The following CRACD variants were observed in gnomAD, a reference collection of about 807,000 sequenced individuals.
The protein encoded by CRACD is capping protein inhibiting regulator of actin dynamics.
Under a neutral mutation model 106.8 loss-of-function variants are expected in CRACD, and 56 were observed. The ratio of observed to expected loss-of-function variants is 0.52; its 90% CI spans 0.42 to 0.66. The LOEUF is 0.66. CRACD is among the 30% of genes least tolerant of loss of function. The pLI is 0.00. For synonymous variants in CRACD, 754 were observed against 670.8 expected (o/e 1.12, Z -1.92); for missense variants, 1,730 against 1,623.2 (o/e 1.07, Z -1.13).
At chr4:56,051,818 ATTGAAT>A (rs1374952661) in intron 1 of CRACD, among the ~76,000 whole-genome samples, 2 of 152,208 alleles carry the variant, frequency 1.3e-5, no homozygotes, top group Non-Finnish European at 2.9e-5. Flanking sequence ...GAGGCAGGTG[ATTGAAT>A]TTGAGCATTG....
At chr4:56,208,386 G>A (rs951941945) in intron 2 of CRACD, among the ~76,000 whole-genome samples, 1 of 152,100 alleles carries the variant, frequency 6.6e-6, no homozygotes, top group Non-Finnish European at 1.5e-5. Flanking sequence ...GAAGGGATTC[G>A]ATTGTTCTCA....
chr4:56,266,167 A>G (rs1460235216), intron 2 of CRACD, among the ~76,000 whole-genome samples: 3 of 152,336 alleles, frequency 2.0e-5, no homozygotes, highest in Non-Finnish European at 4.4e-5. Flanking sequence ...GAAGCAGTAT[A>G]GATGCATATG....
chr4:56,263,616 A>G (rs1026836975), intron 2 of CRACD, among the ~76,000 whole-genome samples: 1 of 152,140 alleles, frequency 6.6e-6, no homozygotes, highest in Admixed American at 6.5e-5. Flanking sequence ...CACCCTACTT[A>G]GCTTATTTAA....
At chr4:56,323,150 T>C (rs1209554486) in intron 8 of CRACD, among the ~76,000 whole-genome samples, 1 of 152,202 alleles carries the variant, frequency 6.6e-6, no homozygotes, top group Non-Finnish European at 1.5e-5. Context: ...CAGAGTAACT[T>C]CTTCCATTTC....
At chr4:56,131,465 G>A (rs192495310) in intron 1 of CRACD, among the ~76,000 whole-genome samples, 2 of 149,970 alleles carry the variant, frequency 1.3e-5, no homozygotes, top group Non-Finnish European at 3.0e-5. Context: ...GGCACAAATG[G>A]TATCTTCTTT....
chr4:56,075,734 T>C (rs1174332774), intron 1 of CRACD, among the ~76,000 whole-genome samples: 1 of 152,198 alleles, frequency 6.6e-6, no homozygotes, highest in Non-Finnish European at 1.5e-5. Flanking sequence ...TATCTAAATA[T>C]GAGGTCTTTC....
chr4:56,145,046 C>T (rs1340756008), intron 1 of CRACD, among the ~76,000 whole-genome samples: 1 of 152,160 alleles, frequency 6.6e-6, no homozygotes, highest in Non-Finnish European at 1.5e-5. Flanking sequence ...CCCCAGCCTC[C>T]CAAAGTGCTG....
At chr4:56,188,711 C>CACAGAGAGAGAGAG (rs1446016845) in intron 2 of CRACD, among the ~76,000 whole-genome samples, 1 of 113,108 alleles carries the variant, frequency 8.8e-6, no homozygotes, top group African/African-American at 3.9e-5. Flanking sequence ...CACACACACA[C>CACAGAGAGAGAGAG]AGAGAGAGAG....
intron 1 of CRACD, among the ~76,000 whole-genome samples, chr4:56,103,052 A>G (rs1733829803): frequency 6.6e-6 from 1 of 152,160 alleles, no homozygotes; most frequent in Non-Finnish European, 1.5e-5. Context: ...TCGGAAACCG[A>G]GTCTGTTTTT....
chr4:56,204,768 C>T (rs1351339895), intron 2 of CRACD, among the ~76,000 whole-genome samples: 1 of 152,136 alleles, frequency 6.6e-6, no homozygotes, highest in Non-Finnish European at 1.5e-5. Context: ...GCTAGCTTTA[C>T]TTGAGAGTAA....
At chr4:56,223,080 C>T (rs1374633242) in intron 2 of CRACD, among the ~76,000 whole-genome samples, 1 of 151,152 alleles carries the variant, frequency 6.6e-6, no homozygotes, top group African/African-American at 2.4e-5. Context: ...CTTATAATGG[C>T]CATGGTAAAA....
intron 1 of CRACD, among the ~76,000 whole-genome samples, chr4:56,128,658 G>A (rs532260988): frequency 3.6e-4 from 55 of 152,276 alleles, no homozygotes; most frequent in South Asian, 1.5e-3. Flanking sequence ...GTTTCTGTAC[G>A]TAGGAGGCTG....
chr4:56,103,514 A>G (rs1419667556), intron 1 of CRACD, among the ~76,000 whole-genome samples: 1 of 152,224 alleles, frequency 6.6e-6, no homozygotes, highest in African/African-American at 2.4e-5. Flanking sequence ...AAATGAGGGT[A>G]CAACATAAGA....
chr4:56,092,997 A>G (rs1413560208), intron 1 of CRACD, among the ~76,000 whole-genome samples: 2 of 152,212 alleles, frequency 1.3e-5, no homozygotes, highest in Non-Finnish European at 2.9e-5. Context: ...ATCACTAAAT[A>G]TATAGATGAA....
chr4:56,242,979 G>A (rs1357084287), intron 2 of CRACD, among the ~76,000 whole-genome samples: 1 of 152,198 alleles, frequency 6.6e-6, no homozygotes, highest in Non-Finnish European at 1.5e-5. Flanking sequence ...AGAAAATCCT[G>A]TAGATACTGT....
intron 2 of CRACD, among the ~76,000 whole-genome samples, chr4:56,243,050 A>G (rs1197845399): frequency 1.3e-5 from 2 of 152,150 alleles, no homozygotes; most frequent in East Asian, 1.9e-4. Context: ...TTTTCCCTTT[A>G]TCCTTTTTAC....
intron 1 of CRACD, among the ~76,000 whole-genome samples, chr4:56,099,979 A>G (rs1257665172): frequency 6.6e-6 from 1 of 152,208 alleles, no homozygotes; most frequent in Non-Finnish European, 1.5e-5. Context: ...ACGGTGGCTC[A>G]TGCCTGTAAT....
Position 56,067,795 on chromosome 4 carries a change from C to T in CRACD, c.-336+18496C>T, listed in dbSNP as rs941669458. Reference sequence around the variant, plus strand: ...TTCACCATGTTGGCCAGACTAGACCCGAGCTTCTGACCTCAGATGATCCAC... The same window carrying T: ...TTCACCATGTTGGCCAGACTAGACCTGAGCTTCTGACCTCAGATGATCCAC... On this transcript the variant is annotated intron_variant, in intron 1 of 10. Coordinates refer to ENST00000682029, the MANE Select transcript of CRACD (RefSeq NM_001393381.1). Among the ~76,000 whole-genome samples, 5 of 152,164 alleles carry T rather than the reference C, an allele frequency of 3.3e-5. No homozygotes were observed. The East Asian group carries it at 5.8e-4, about 18-fold the overall frequency.
intron 2 of CRACD, among the ~76,000 whole-genome samples, chr4:56,214,679 C>A (rs200008019): frequency 0.11 from 8,280 of 74,048 alleles, 690 homozygotes; most frequent in African/African-American, 0.25. Context: ...CTCTCTCTCT[C>A]TCTATATATA....
Sources: allele counts gnomAD v4.1 joint callset (sites outside exome capture counted in the v4.1 genomes callset), GRCh38; gene constraint gnomAD v4.1.1; transcripts MANE v1.5; gene names NCBI Gene and HGNC (gene_info 2026-07-23, HGNC 2026-07-21).